The following DSC3 variants were observed in gnomAD, a reference collection of about 807,000 sequenced individuals.
DSC3 encodes desmocollin-3.
A neutral mutation model predicts 89.5 loss-of-function variants in DSC3; 97 were observed. The observed-to-expected ratio is 1.08, with a 90% CI of 0.92 to 1.28. The LOEUF is 1.28. Among genes scored for constraint, DSC3 ranks in the 50% most tolerant of loss-of-function variants. The pLI is 0.00. For synonymous variants in DSC3, 436 were observed against 384.1 expected (o/e 1.14, Z -1.58); for missense variants, 1,199 against 1,085.3 (o/e 1.10, Z -1.47).
At chr18:31,034,739 T>C (rs1985916451) in intron 1 of DSC3, among the ~76,000 whole-genome samples, 1 of 152,150 alleles carries the variant, frequency 6.6e-6, no homozygotes, top group Admixed American at 6.5e-5. Flanking sequence ...AAACAACACA[T>C]ACTGTACGAT....
Position 31,008,758 on chromosome 18 carries a change from C to T in DSC3, c.1264-233G>A, listed in dbSNP as rs181390173. 2.1e-3 allele frequency among the ~76,000 whole-genome samples: 314 copies of T among 152,234 alleles called. 1 individual carries two copies. Among genetic ancestry groups the T allele is most frequent in the Non-Finnish European group, 4.0e-3 (275 of 68,028 alleles). On this transcript the variant is annotated intron_variant, in intron 9 of 15. Transcript: ENST00000360428. ...TCATAGAGTTGGACAAACGAAATTC[C>T]GGAAATATTTTCATATTTCACTCTT...
chr18:31,042,577 C>G lies in DSC3; in HGVS notation c.69+15G>C. The stretch of plus-strand genomic sequence containing the variant: ...CCGTCCCCACCCCAGCCCTATCCGG[C>G]GAGATCTGGCTTACCACGAGGGTCA... On this transcript the variant is annotated intron_variant, in intron 1 of 15. Coordinates refer to ENST00000360428, the MANE Select transcript of DSC3 (RefSeq NM_001941.5). 3.9e-6 allele frequency: 6 copies of G among 1,550,234 alleles called. No homozygotes were observed. The highest frequency in any genetic ancestry group is 5.2e-6 in the Non-Finnish European group (6 of 1,146,704).
intron 15 of DSC3, among the ~76,000 whole-genome samples, chr18:30,995,433 C>T (rs1344213756): frequency 6.6e-6 from 1 of 152,178 alleles, no homozygotes; most frequent in Non-Finnish European, 1.5e-5. Flanking sequence ...CAGAGTATCA[C>T]CCATTTGCAT....
chr18:30,996,905 C>T lies in DSC3; in HGVS notation c.2379G>A (p.Arg793=). The T allele has an allele frequency of 6.2e-7, 1 of 1,614,008 alleles. No individual in the cohort carries two copies. Among genetic ancestry groups the T allele is most frequent in the Non-Finnish European group, 8.5e-7 (1 of 1,180,008 alleles). ...CCAGGGTATGATGATGCCCAGCCCC[C>T]CGGCAGGATTCCAAGGTCTGGTTTC... ...KGGNQTLESC[R]GAGHHHTLDS... is the part of the protein sequence containing the mutation. Residue 793 remains arginine, a synonymous_variant, in exon 15 of 16, where the codon CGG becomes CGA. Coordinates refer to ENST00000360428, the MANE Select transcript of DSC3 (RefSeq NM_001941.5).
In DSC3 at chr18:30,989,983, A is replaced by C. The variant is rs1984178154; in HGVS notation, c.*4192T>G. 1 of 152,210 alleles carries C rather than the reference A, an allele frequency of 6.6e-6. No homozygotes were observed. The highest frequency in any genetic ancestry group is 1.5e-5 in the Non-Finnish European group (1 of 68,024). The allele number at this position is 152,210 out of a possible 1,614,324, so 9.4% of individuals were successfully genotyped here. ...GAAAAAATCAACACAGAAAGAATAA[A>C]TTATCAATTCCATTGTCTGGAAATC... On this transcript the variant is annotated 3_prime_UTR_variant, in exon 16 of 16. Coordinates refer to ENST00000360428, the MANE Select transcript of DSC3 (RefSeq NM_001941.5).
rs1373114707 is a variant in DSC3 at position 30,991,349 on chromosome 18, C to A, written c.*2826G>T. 6.6e-6 allele frequency: 1 copy of A among 152,554 alleles called. No individual in the cohort carries two copies. Among genetic ancestry groups the A allele is most frequent in the Non-Finnish European group, 1.5e-5 (1 of 68,024 alleles). The allele number at this position is 152,554 out of a possible 1,614,324, so 9.5% of individuals were successfully genotyped here. A position where few individuals can be genotyped will look rare whatever the true frequency, so the allele number is the denominator to read the frequency against. On this transcript the variant is annotated 3_prime_UTR_variant, in exon 16 of 16. Coordinates refer to ENST00000360428, the MANE Select transcript of DSC3 (RefSeq NM_001941.5). Reference sequence around the variant, plus strand: ...CTTTAAAAATATATTTTCTTGCACACTCAAATACCATAAATTTCACCTTAC... The same window carrying A: ...CTTTAAAAATATATTTTCTTGCACAATCAAATACCATAAATTTCACCTTAC...
chr18:31,034,752 CGTT>C (rs1985917388), intron 1 of DSC3, among the ~76,000 whole-genome samples: 1 of 152,072 alleles, frequency 6.6e-6, no homozygotes, highest in Non-Finnish European at 1.5e-5. Context: ...TGTACGATTT[CGTT>C]TACATAAAAT....
chr18:31,022,646 A>C (rs1413669134), intron 6 of DSC3, 144 bp from the exon 7 acceptor site: 1 of 1,037,472 alleles, frequency 9.6e-7, no homozygotes, highest in African/African-American at 1.6e-5. Flanking sequence ...TTTCATCTTT[A>C]GATAGGACTG....
At position 30,991,237 on chromosome 18, in the gene DSC3, A is replaced by G. The variant is rs141795213; in HGVS notation, c.*2938T>C. On this transcript the variant is annotated 3_prime_UTR_variant, in exon 16 of 16. Coordinates refer to ENST00000360428, the MANE Select transcript of DSC3 (RefSeq NM_001941.5). Reference sequence around the variant, plus strand: ...CAAAACAAACCCCACTGCATTTTAGACAGCTGCTTCCTTATAAAAGTAAGA... The same window carrying G: ...CAAAACAAACCCCACTGCATTTTAGGCAGCTGCTTCCTTATAAAAGTAAGA... The G allele has an allele frequency of 6.5e-6, 1 of 152,770 alleles. No individual in the cohort carries two copies. Among genetic ancestry groups the G allele is most frequent in the African/African-American group, 2.4e-5 (1 of 41,582 alleles). 9.5% of individuals were successfully genotyped at this position (152,770 alleles called of 1,614,324 possible). A position where few individuals can be genotyped will look rare whatever the true frequency, so the allele number is the denominator to read the frequency against.
At chr18:31,016,331 T>C (rs1985235995) in intron 9 of DSC3, among the ~76,000 whole-genome samples, 1 of 152,218 alleles carries the variant, frequency 6.6e-6, no homozygotes. Flanking sequence ...CTCTACTGTC[T>C]TGCTCTTGAA....
intron 10 of DSC3, 50 bp downstream of exon 10, chr18:31,008,219 T>C: frequency 6.2e-7 from 1 of 1,610,398 alleles, no homozygotes. Context: ...AGTTACTATC[T>C]CAATGATTAC....
chr18:31,042,390 C>A (rs1242532854), intron 1 of DSC3, among the ~76,000 whole-genome samples: 1 of 152,242 alleles, frequency 6.6e-6, no homozygotes, highest in Non-Finnish European at 1.5e-5. Context: ...AAACAAAAAG[C>A]TCAGTCCAGA....
At chr18:31,029,465 T>C (rs1338004023) in intron 4 of DSC3, 44 bp downstream of exon 4, 1 of 1,610,860 alleles carries the variant, frequency 6.2e-7, no homozygotes, top group Non-Finnish European at 8.5e-7. Context: ...TGAAACAGAC[T>C]CTTAGAATTA....
rs1273701653 is a variant in DSC3, at chr18:31,042,592, C to T, written c.69G>A (p.Val23=). Residue 23 remains valine, a splice_region_variant and synonymous_variant, in exon 1 of 16, where the codon GTG becomes GTA. Coordinates refer to ENST00000360428, the MANE Select transcript of DSC3 (RefSeq NM_001941.5). ...CCCTATCCGGCGAGATCTGGCTTAC[C>T]ACGAGGGTCAGCAGCAGATGCAGGC... ...AVCLHLLLTL[V]IFSRAGEACK... 1.3e-6 allele frequency: 2 copies of T among 1,550,476 alleles called. No homozygotes were observed. The highest frequency in any genetic ancestry group is 4.9e-5 in the East Asian group (2 of 40,878).
At chr18:31,001,089 G>GTGTATATATATATATATATATATA (rs141615987) in intron 14 of DSC3, among the ~76,000 whole-genome samples, 1,261 of 125,368 alleles carry the variant, frequency 0.01, 27 homozygotes, top group South Asian at 0.015. Context: ...TTGTGTGTGT[G>GTGTATATATATATATATATATATA]TATATATATA....
At chr18:31,007,947 T>G in intron 11 of DSC3, 69 bp downstream of exon 11, 1 of 1,385,550 alleles carries the variant, frequency 7.2e-7, no homozygotes, top group Non-Finnish European at 1.0e-6. Flanking sequence ...AAAATAAATC[T>G]GCATAAGAAT....
rs1598601764 is a variant in DSC3 at position 31,004,078 on chromosome 18, C to A, written c.2113+64G>T. 3 of 1,297,484 alleles carry A rather than the reference C, an allele frequency of 2.3e-6. No homozygotes were observed. The East Asian group carries it at 7.4e-5, about 32-fold the overall frequency. 80.4% of individuals were successfully genotyped at this position (1,297,484 alleles called of 1,614,324 possible). On this transcript the variant is annotated intron_variant, in intron 13 of 15. Coordinates refer to ENST00000360428, the MANE Select transcript of DSC3 (RefSeq NM_001941.5). Reference sequence around the variant, plus strand: ...TGCTTGGACGAGATTATTTTTTAAACATCTTTTCCCACACCTAGATTTTTT... The same window carrying A: ...TGCTTGGACGAGATTATTTTTTAAAAATCTTTTCCCACACCTAGATTTTTT...
chr18:31,033,968 T>G (rs957716907), intron 1 of DSC3, among the ~76,000 whole-genome samples: 3 of 152,050 alleles, frequency 2.0e-5, no homozygotes, highest in Non-Finnish European at 4.4e-5. Context: ...GGACTACAGG[T>G]GCCCGCTACC....
At chr18:30,998,481 G>A (rs1031882169) in intron 14 of DSC3, among the ~76,000 whole-genome samples, 5 of 152,108 alleles carry the variant, frequency 3.3e-5, no homozygotes, top group Admixed American at 1.3e-4. Flanking sequence ...ATGAATATGC[G>A]GATTTGGAAC....
Sources: gnomAD v4.1 joint callset for allele counts (sites outside exome capture counted in the v4.1 genomes callset) on GRCh38, gnomAD v4.1.1 for gene constraint, MANE v1.5 for transcripts, NCBI Gene and HGNC (gene_info 2026-07-23, HGNC 2026-07-21) for gene names.